The following ABCC1 variants were observed in gnomAD, a reference collection of about 807,000 sequenced individuals.
ABCC1 encodes the protein ATP binding cassette subfamily C member 1 (ABCC1 blood group).
ABCC1 carries 83 observed loss-of-function variants against 172.9 expected under a neutral mutation model. The observed-to-expected ratio is 0.48, with a 90% CI of 0.40 to 0.58. ABCC1 has a LOEUF of 0.58. Ranked by LOEUF, ABCC1 falls within the 20% of genes least tolerant of loss-of-function variation. The pLI is 0.00. For synonymous variants in ABCC1, 937 were observed against 825.2 expected (o/e 1.14, Z -2.32); for missense variants, 1,817 against 2,002.7 (o/e 0.91, Z 1.77).
chr16:16,131,990 A>G lies in ABCC1; in HGVS notation c.3966+55A>G, dbSNP rs557822299. 11 of 1,584,066 alleles carry G rather than the reference A, an allele frequency of 6.9e-6. No individual in the cohort carries two copies. In the East Asian group the frequency reaches 2.0e-4, roughly 29 times the overall value. ...CATTCCCAGTCGGGCACAGGGTGCCATCGGGCAGGTGAACCTAGCTGCAGC... is the reference window on the plus strand; with the variant it reads ...CATTCCCAGTCGGGCACAGGGTGCCGTCGGGCAGGTGAACCTAGCTGCAGC... On this transcript the variant is annotated intron_variant, in intron 27 of 30. Transcript: ENST00000399410.
At chr16:16,018,301 C>T (rs2048076806) in intron 5 of ABCC1, among the ~76,000 whole-genome samples, 1 of 152,104 alleles carries the variant, frequency 6.6e-6, no homozygotes, top group African/African-American at 2.4e-5. Context: ...GTAATCGCAG[C>T]ACTTTGGGAA....
At chr16:16,049,743 G>A (rs577039511) in intron 10 of ABCC1, among the ~76,000 whole-genome samples, 1 of 152,252 alleles carries the variant, frequency 6.6e-6, no homozygotes, top group African/African-American at 2.4e-5. Flanking sequence ...GGAGTGTGGT[G>A]TGCCATCTTG....
At chr16:16,036,370 AG>A in intron 6 of ABCC1, 101 bp from the exon 7 acceptor site, 1 of 1,111,542 alleles carries the variant, frequency 9.0e-7, no homozygotes. Flanking sequence ...TGTGCTGCAG[AG>A]GGGAGCAGCA....
intron 16 of ABCC1, among the ~76,000 whole-genome samples, chr16:16,082,602 G>T (rs185454134): frequency 8.1e-4 from 124 of 152,260 alleles, no homozygotes; most frequent in Non-Finnish European, 1.4e-3. Flanking sequence ...TTTTAGCAAG[G>T]ATATTTCCTC....
chr16:16,080,139 G>T (rs2050752631), intron 16 of ABCC1, among the ~76,000 whole-genome samples: 1 of 152,010 alleles, frequency 6.6e-6, no homozygotes, highest in Admixed American at 6.6e-5. Context: ...GTAGACACAC[G>T]AAGACTCCCT....
chr16:16,092,364 A>G (rs975339310), intron 19 of ABCC1, among the ~76,000 whole-genome samples: 7 of 152,122 alleles, frequency 4.6e-5, no homozygotes, highest in Non-Finnish European at 7.3e-5. Context: ...AGAAACCCCA[A>G]TCCATCAGCC....
intron 1 of ABCC1, among the ~76,000 whole-genome samples, chr16:15,988,112 C>A (rs1011593249): frequency 6.6e-6 from 1 of 152,070 alleles, no homozygotes; most frequent in Non-Finnish European, 1.5e-5. Context: ...CATGCACTAC[C>A]ACGCTATGTT....
At chr16:16,116,898 A>G (rs944267607) in intron 23 of ABCC1, among the ~76,000 whole-genome samples, 1 of 152,248 alleles carries the variant, frequency 6.6e-6, no homozygotes. Context: ...ACTTACCCAT[A>G]AGCACTGCAG....
Position 16,130,844 on chromosome 16 carries a change from C to T in ABCC1, c.3820-945C>T, listed in dbSNP as rs113040287. 6.6e-5 allele frequency among the ~76,000 whole-genome samples: 10 copies of T among 152,252 alleles called. No homozygotes were observed. The East Asian group carries it at 1.2e-3, about 18-fold the overall frequency. Reference sequence around the variant, plus strand: ...TTCATATTGAGAACAATGTCTGTGGCGGGCATGGTGGCTCACGCCTGTAAT... The same window carrying T: ...TTCATATTGAGAACAATGTCTGTGGTGGGCATGGTGGCTCACGCCTGTAAT... On this transcript the variant is annotated intron_variant, in intron 26 of 30. Coordinates refer to ENST00000399410, the MANE Select transcript of ABCC1 (RefSeq NM_004996.4).
At chr16:16,038,568 A>T (rs568695115) in intron 7 of ABCC1, among the ~76,000 whole-genome samples, 6 of 152,196 alleles carry the variant, frequency 3.9e-5, no homozygotes, top group African/African-American at 1.4e-4. Context: ...TGGGGCGAGG[A>T]TGGATCTTCC....
intron 1 of ABCC1, among the ~76,000 whole-genome samples, chr16:15,990,806 C>T (rs1289083892): frequency 2.7e-5 from 4 of 146,550 alleles, no homozygotes; most frequent in East Asian, 4.0e-4. Flanking sequence ...CCTGCCGCCA[C>T]GCCCGGCTAA....
At chr16:15,976,522 G>C (rs193234480) in intron 1 of ABCC1, among the ~76,000 whole-genome samples, 1 of 152,152 alleles carries the variant, frequency 6.6e-6, no homozygotes, top group African/African-American at 2.4e-5. Flanking sequence ...GGCCTGGCCG[G>C]TACCCCATGC....
intron 12 of ABCC1, among the ~76,000 whole-genome samples, chr16:16,058,654 A>G (rs935841699): frequency 3.9e-5 from 6 of 152,082 alleles, no homozygotes; most frequent in Admixed American, 2.6e-4. Context: ...ATATTTTATT[A>G]TTTATTCATT....
At chr16:16,054,176 C>T (rs2049552543) in intron 11 of ABCC1, among the ~76,000 whole-genome samples, 1 of 152,048 alleles carries the variant, frequency 6.6e-6, no homozygotes, top group African/African-American at 2.4e-5. Context: ...GGCTTTACCA[C>T]ATTGGCCAGG....
At chr16:16,118,903 AAAG>A (rs1368765035) in intron 23 of ABCC1, among the ~76,000 whole-genome samples, 9 of 148,364 alleles carry the variant, frequency 6.1e-5, no homozygotes, top group African/African-American at 1.8e-4. Context: ...AAAAAAAAAA[AAAG>A]AGCAAAGGCA....
intron 10 of ABCC1, among the ~76,000 whole-genome samples, chr16:16,050,380 A>T (rs2049377176): frequency 6.6e-6 from 1 of 151,726 alleles, no homozygotes; most frequent in Admixed American, 6.6e-5. Flanking sequence ...AATGGCCTGA[A>T]TCCGGGAGGC....
chr16:16,071,162 C>T (rs571543547), intron 13 of ABCC1, among the ~76,000 whole-genome samples: 17 of 152,178 alleles, frequency 1.1e-4, no homozygotes, highest in East Asian at 1.9e-4. Flanking sequence ...TGGCTCACTG[C>T]GACCTCTGCC....
At chr16:16,043,952 C>T (rs1328725522) in intron 7 of ABCC1, among the ~76,000 whole-genome samples, 2 of 152,192 alleles carry the variant, frequency 1.3e-5, no homozygotes, top group East Asian at 3.8e-4. Context: ...AATCCTCCAA[C>T]TTGATTCTTA....
At position 16,056,289 on chromosome 16, in the gene ABCC1, C is replaced by A; in HGVS notation, c.1671C>A (p.Pro557=). 1.2e-6 allele frequency: 2 copies of A among 1,614,194 alleles called. No homozygotes were observed. ...AVGTFTWVCT[P]FLVALCTFAV... ...GCACCTTCACCTGGGTCTGCACGCC[C>A]TTTCTGGTGAGTGAAGCCACATTTT... The change falls in exon 12 of 31, where the codon CCC becomes CCA. Residue 557 remains proline (P), a synonymous_variant. Coordinates refer to ENST00000399410, the MANE Select transcript of ABCC1 (RefSeq NM_004996.4).
Sources: gnomAD v4.1 joint callset for allele counts (sites outside exome capture counted in the v4.1 genomes callset) on GRCh38, gnomAD v4.1.1 for gene constraint, MANE v1.5 for transcripts, NCBI Gene and HGNC (gene_info 2026-07-23, HGNC 2026-07-21) for gene names.